RGMA: variants seen among roughly 807,000 people sequenced by gnomAD.
The protein encoded by RGMA is repulsive guidance molecule BMP co-receptor a.
A neutral mutation model predicts 23.2 loss-of-function variants in RGMA; 10 were observed. The observed-to-expected ratio is 0.43, with a 90% CI of 0.27 to 0.73. The LOEUF (loss-of-function observed/expected upper bound fraction) is 0.73, where lower values mean the gene tolerates loss of function less well. RGMA is among the 30% of genes least tolerant of loss of function. The probability of loss-of-function intolerance (pLI) is 0.20; values close to 1 mark genes in which losing one functional copy is unlikely to be tolerated. For synonymous variants in RGMA, 308 were observed against 279.3 expected, an observed-to-expected ratio of 1.10 and a Z score of -1.03; for missense variants, 547 against 630.5, an observed-to-expected ratio of 0.87 and a Z score of 1.42.
rs1434377484 is a variant in RGMA, at chr15:93,042,780, C to T, written c.*2218G>A. 6.6e-6 allele frequency: 1 copy of T among 152,244 alleles called. No individual in the cohort carries two copies. The highest frequency in any genetic ancestry group is 2.4e-5 in the African/African-American group (1 of 41,454). The allele number at this position is 152,244 out of a possible 1,614,324, so 9.4% of individuals were successfully genotyped here. On this transcript the variant is annotated 3_prime_UTR_variant, in exon 4 of 4. Coordinates refer to ENST00000329082, the MANE Select transcript of RGMA (RefSeq NM_020211.3). ...AATGTGATCACAGCTGCCAATAAACCTGGTCCCACAGTGACGTGGACAGCA... is the reference window on the plus strand; with the variant it reads ...AATGTGATCACAGCTGCCAATAAACTTGGTCCCACAGTGACGTGGACAGCA...
At chr15:93,069,623 A>T (rs1239302632) in intron 2 of RGMA, among the ~76,000 whole-genome samples, 4 of 152,250 alleles carry the variant, frequency 2.6e-5, no homozygotes, top group African/African-American at 9.6e-5. Context: ...AGCGATCCTC[A>T]AACTTGAGCA....
chr15:93,048,274 G>C (rs1015752259), intron 3 of RGMA, among the ~76,000 whole-genome samples: 4 of 152,292 alleles, frequency 2.6e-5, no homozygotes, highest in African/African-American at 7.2e-5. Flanking sequence ...GAAGAACAGA[G>C]GGAGACCCTA....
In RGMA at chr15:93,052,218, G is replaced by A. The variant is rs749103570; in HGVS notation, c.420C>T (p.Asp140=). 414 of 1,608,896 alleles carry A rather than the reference G, an allele frequency of 2.6e-4. 1 individual carries two copies. Among genetic ancestry groups the A allele is most frequent in the Non-Finnish European group, 2.5e-4 (293 of 1,176,402 alleles). Residue 140 remains aspartate, a synonymous_variant, in exon 3 of 4, where the codon GAC becomes GAT. Coordinates refer to ENST00000329082, the MANE Select transcript of RGMA (RefSeq NM_020211.3). Reference sequence around the variant, plus strand: ...TCTCGTAATGGCAGATCTCGGGGCTGTCCGAGCGCTCCTGGCTGTCTCCGG... The same window carrying A: ...TCTCGTAATGGCAGATCTCGGGGCTATCCGAGCGCTCCTGGCTGTCTCCGG... ...PPAGDSQERS[D]SPEICHYEKS... is the part of the protein sequence containing the mutation.
intron 2 of RGMA, among the ~76,000 whole-genome samples, chr15:93,072,137 C>G (rs1345622991): frequency 6.6e-6 from 1 of 151,896 alleles, no homozygotes; most frequent in Non-Finnish European, 1.5e-5. Context: ...AGTAAAGAAA[C>G]TGGAGCGTTT....
intron 2 of RGMA, among the ~76,000 whole-genome samples, chr15:93,059,255 G>A (rs974977075): frequency 3.9e-5 from 6 of 152,180 alleles, no homozygotes; most frequent in African/African-American, 1.2e-4. Context: ...CTATGCAGCC[G>A]CAGACCCATC....
chr15:93,069,463 A>G (rs568452053), intron 2 of RGMA, among the ~76,000 whole-genome samples: 118 of 152,342 alleles, frequency 7.7e-4, no homozygotes, highest in Non-Finnish European at 1.4e-3. Flanking sequence ...CTATAGCGAC[A>G]CAGATGTACC....
At chr15:93,051,284 G>A (rs1166481796) in intron 3 of RGMA, among the ~76,000 whole-genome samples, 3 of 152,188 alleles carry the variant, frequency 2.0e-5, no homozygotes, top group African/African-American at 7.2e-5. Context: ...CCCGACACAC[G>A]GCCTTCCAAC....
At chr15:93,068,425 C>T (rs111837027) in intron 2 of RGMA, among the ~76,000 whole-genome samples, 2,385 of 152,350 alleles carry the variant, frequency 0.016, 56 homozygotes, top group African/African-American at 0.053. Flanking sequence ...GCCTCCTCTT[C>T]TCCATCTCAT....
chr15:93,070,514 G>A (rs974674514), intron 2 of RGMA, among the ~76,000 whole-genome samples: 2 of 152,224 alleles, frequency 1.3e-5, no homozygotes, highest in African/African-American at 2.4e-5. Context: ...ATTCCTAAGC[G>A]GCCCCTCTCC....
intron 1 of RGMA, among the ~76,000 whole-genome samples, chr15:93,081,510 T>C (rs1014378825): frequency 1.3e-5 from 2 of 152,204 alleles, no homozygotes; most frequent in African/African-American, 4.8e-5. Flanking sequence ...TGGGTATGCA[T>C]ACACAAGACA....
chr15:93,050,308 G>A (rs999306344), intron 3 of RGMA, among the ~76,000 whole-genome samples: 16 of 152,348 alleles, frequency 1.1e-4, no homozygotes, highest in Admixed American at 3.3e-4. Context: ...TGACAGACAG[G>A]CGGGGGCAGG....
chr15:93,059,410 G>A (rs2055066977), intron 2 of RGMA, among the ~76,000 whole-genome samples: 1 of 152,172 alleles, frequency 6.6e-6, no homozygotes, highest in African/African-American at 2.4e-5. Flanking sequence ...AACTCTCAGG[G>A]AACTTGGATC....
In RGMA at chr15:93,041,924, G is replaced by A. The variant is rs538450099; in HGVS notation, c.*3074C>T. ...TCACGCCTGTAATCCCAACACTTTG[G>A]GAGGCCAAGGCAGGCGGATCACGAG... On this transcript the variant is annotated 3_prime_UTR_variant, in exon 4 of 4. Transcript: ENST00000329082. 1 of 152,464 alleles carries A rather than the reference G, an allele frequency of 6.6e-6. No homozygotes were observed. Among genetic ancestry groups the A allele is most frequent in the East Asian group, 1.9e-4 (1 of 5,178 alleles). The allele number at this position is 152,464 out of a possible 1,614,324, so 9.4% of individuals were successfully genotyped here.
At position 93,066,084 on chromosome 15, in the gene RGMA, G is replaced by T. The variant is rs967002175; in HGVS notation, c.130+6832C>A. The T allele has an allele frequency of 4.6e-6, 7 of 1,513,566 alleles. No individual in the cohort carries two copies. In the Admixed American group the frequency reaches 8.4e-5, roughly 18 times the overall value. The allele number at this position is 1,513,566 out of a possible 1,614,324, so 93.8% of individuals were successfully genotyped here. A position where few individuals can be genotyped will look rare whatever the true frequency, so the allele number is the denominator to read the frequency against. ...GGGCAACTGAGGGAGGCCGGGGGAT[G>T]AATCGGCGAAACTTACGTAGGTTGG... On this transcript the variant is annotated intron_variant, in intron 2 of 3. Transcript: ENST00000329082.
At chr15:93,066,176 T>C in intron 2 of RGMA, 1 of 1,411,200 alleles carries the variant, frequency 7.1e-7, no homozygotes, top group Non-Finnish European at 1.0e-6. Flanking sequence ...TCTGCACCCT[T>C]CTCTCCTTCC....
chr15:93,047,718 G>A (rs1036795234), intron 3 of RGMA, among the ~76,000 whole-genome samples: 1 of 152,200 alleles, frequency 6.6e-6, no homozygotes, highest in African/African-American at 2.4e-5. Flanking sequence ...ATGCACAGCC[G>A]TTCTCTGCCT....
chr15:93,066,647 G>A (rs573391443), intron 2 of RGMA: 8 of 441,160 alleles, frequency 1.8e-5, no homozygotes, highest in Admixed American at 7.8e-5. Flanking sequence ...CCTCCACCTC[G>A]CTCATCCTGC....
chr15:93,065,614 A>T, intron 2 of RGMA: 1 of 829,316 alleles, frequency 1.2e-6, no homozygotes, highest in Non-Finnish European at 2.0e-6. Context: ...CGGGGTCCCC[A>T]CTGTTGATAG....
At chr15:93,082,175 G>T (rs1292213095) in intron 1 of RGMA, among the ~76,000 whole-genome samples, 1 of 152,232 alleles carries the variant, frequency 6.6e-6, no homozygotes, top group Non-Finnish European at 1.5e-5. Context: ...ATCATGGACA[G>T]GAACTATTGT....
Sources: allele counts gnomAD v4.1 joint callset (sites outside exome capture counted in the v4.1 genomes callset), GRCh38; gene constraint gnomAD v4.1.1; transcripts MANE v1.5; gene names NCBI Gene and HGNC (gene_info 2026-07-23, HGNC 2026-07-21).